Variants in UPF2 observed in about 807,000 individuals in gnomAD.
The protein encoded by UPF2 is UPF2 regulator of nonsense mediated mRNA decay.
A neutral mutation model predicts 141.4 loss-of-function variants in UPF2; 17 were observed. The ratio of observed to expected loss-of-function variants is 0.12; its 90% confidence interval spans 0.08 to 0.18. The LOEUF is 0.18. UPF2 is among the 10% of genes least tolerant of loss of function. The pLI is 1.00. For synonymous variants in UPF2, 540 were observed against 498.0 expected (o/e 1.08, Z -1.12); for missense variants, 1,152 against 1,515.9 (o/e 0.76, Z 3.99).
At chr10:11,997,434 T>G (rs1189982008) in intron 8 of UPF2, among the ~76,000 whole-genome samples, 1 of 152,206 alleles carries the variant, frequency 6.6e-6, no homozygotes, top group African/African-American at 2.4e-5. Flanking sequence ...CTTCTTAAGC[T>G]ACTCTTAAAC....
At position 11,967,341 on chromosome 10, in the gene UPF2, C is replaced by A; in HGVS notation, c.2067G>T (p.Lys689Asn). Residue 689 changes from lysine to asparagine, a missense_variant and splice_region_variant, in exon 10 of 22, where the codon AAG (lysine) becomes AAT (asparagine). Around this residue, in one of 4 missense-constraint regions of UPF2, gnomAD observed 739 missense variants for 1,032.2 expected, o/e 0.72. Coordinates refer to ENST00000357604, the MANE Select transcript of UPF2 (RefSeq NM_015542.4). ...AACAATCAACTAATTCAGCACTAAC[C>A]TTTAAACAATGCAGTGTGTCATTTT... ...FTKNDTLHCL[K>N]MLLSDFSHHH... is the part of the protein sequence containing the mutation. The A allele has an allele frequency of 6.5e-7, 1 of 1,541,354 alleles. No homozygotes were observed. Among genetic ancestry groups the A allele is most frequent in the South Asian group, 1.3e-5 (1 of 79,604 alleles).
Position 11,936,629 on chromosome 10 carries a change from G to A in UPF2, c.3462C>T (p.Pro1154=). The part of the protein sequence containing the change: ...LHLKSQLRKG[P]PLGGGEGEAE... ...CCTCTCCTTCCCCACCTCCCAGTGG[G>A]GGCCCTTTCCTCAGCTGGCTTTTGA... Residue 1154 remains proline, a synonymous_variant, in exon 19 of 22, where the codon CCC becomes CCT. Transcript: ENST00000357604. The surrounding 1 kb of genome is among the most constrained non-coding windows in gnomAD (Gnocchi z 6.6). 1 of 1,613,482 alleles carries A rather than the reference G, an allele frequency of 6.2e-7. No individual in the cohort carries two copies. The highest frequency in any genetic ancestry group is 1.3e-5 in the African/African-American group (1 of 74,994).
At chr10:11,963,984 C>G in intron 11 of UPF2, 25 bp downstream of exon 11, 1 of 1,551,024 alleles carries the variant, frequency 6.4e-7, no homozygotes. Flanking sequence ...ACCTCTAGCT[C>G]TTACCAGCAT....
Position 12,014,035 on chromosome 10 carries a change from G to A in UPF2, c.1295C>T (p.Pro432Leu), listed in dbSNP as rs2131285422. Residue 432 changes from proline (P) to leucine (L), a missense_variant, in exon 4 of 22, where the codon CCA becomes CTA. Transcript: ENST00000357604. This position sits in a 1 kb window ranked among gnomAD's most constrained non-coding sequence, Gnocchi z 5.0. ...ENMPDLPQDK[P>L]TPEEHGPGID... ...AGGATATCTCTTACCTTCTGGTGTT[G>A]GTTTGTCTTGAGGAAGATCTGGCAT... 1 of 1,560,034 alleles carries A rather than the reference G, an allele frequency of 6.4e-7. No individual in the cohort carries two copies. Among genetic ancestry groups the A allele is most frequent in the Non-Finnish European group, 8.7e-7 (1 of 1,151,342 alleles).
rs1386075854 is a variant in UPF2, at chr10:11,999,943, T to C, written c.1721A>G (p.Gln574Arg). 10 of 1,613,854 alleles carry C rather than the reference T, an allele frequency of 6.2e-6. No homozygotes were observed. Among genetic ancestry groups the C allele is most frequent in the African/African-American group, 1.3e-5 (1 of 74,924 alleles). Residue 574 changes from glutamine to arginine, a missense_variant, in exon 7 of 22, where the codon CAG (glutamine) becomes CGG (arginine). Coordinates refer to ENST00000357604, the MANE Select transcript of UPF2 (RefSeq NM_015542.4). ...LKLIVDAFLQ[Q>R]LPNCVNRDLI... Reference sequence around the variant, plus strand: ...ATCTCGGTTGACACAGTTGGGTAACTGCTGTAGGAAAGCATCTACTATGAG... The same window carrying C: ...ATCTCGGTTGACACAGTTGGGTAACCGCTGTAGGAAAGCATCTACTATGAG...
rs1407707422 is a variant in UPF2 at position 11,920,350 on chromosome 10, AAAAAACAAAAC to A, written c.*937_*947del. On this transcript the variant is annotated 3_prime_UTR_variant, in exon 22 of 22. Transcript: ENST00000357604. ...TCTATTTAGTGGGGGAAAACAAAAA[AAAAAACAAAAC>A]AAAAACAAAAGCAAAATAAAAGCTC... 3.9e-5 allele frequency: 6 copies of A among 152,176 alleles called. No homozygotes were observed. Among genetic ancestry groups the A allele is most frequent in the African/African-American group, 1.4e-4 (6 of 41,424 alleles). The allele number at this position is 152,176 out of a possible 1,614,324, so 9.4% of individuals were successfully genotyped here.
At position 11,952,079 on chromosome 10, in the gene UPF2, G is replaced by A. The variant is rs1833081994; in HGVS notation, c.3021C>T (p.Phe1007=). The A allele has an allele frequency of 6.2e-7, 1 of 1,613,480 alleles. No homozygotes were observed. Among genetic ancestry groups the A allele is most frequent in the South Asian group, 1.1e-5 (1 of 90,954 alleles). Residue 1007 remains phenylalanine, a synonymous_variant, in exon 15 of 22, where the codon TTC becomes TTT. Coordinates refer to ENST00000357604, the MANE Select transcript of UPF2 (RefSeq NM_015542.4). The stretch of plus-strand genomic sequence containing the variant: ...TCAATTGCTTACCTAGTTTTATTAA[G>A]AATTCTCGTTCCAAGTCTTGTACCT... ...IRQVQDLERE[F]LIKLGLVNDK... is the part of the protein sequence containing the mutation.
At chr10:11,933,048 GA>G (rs1215298839) in intron 19 of UPF2, among the ~76,000 whole-genome samples, 1 of 151,826 alleles carries the variant, frequency 6.6e-6, no homozygotes, top group Non-Finnish European at 1.5e-5. Flanking sequence ...TTTAAATCTA[GA>G]AAAAAATAAA....
At chr10:11,972,081 A>AAC (rs1554778301) in intron 9 of UPF2, among the ~76,000 whole-genome samples, 10 of 146,416 alleles carry the variant, frequency 6.8e-5, no homozygotes, top group African/African-American at 1.0e-4. Flanking sequence ...AAAAAAAAAA[A>AAC]ACACACAAAA....
chr10:11,970,552 T>C (rs1833399370), intron 9 of UPF2, among the ~76,000 whole-genome samples: 1 of 152,092 alleles, frequency 6.6e-6, no homozygotes, highest in Admixed American at 6.6e-5. Flanking sequence ...TGGCTCACAC[T>C]TGTGATCACA....
At chr10:12,040,276 G>A (rs1449188421) in intron 1 of UPF2, among the ~76,000 whole-genome samples, 1 of 152,014 alleles carries the variant, frequency 6.6e-6, no homozygotes, top group East Asian at 1.9e-4. Flanking sequence ...ACCAAAATTA[G>A]CTGGGCGTGG....
chr10:12,028,983 T>G lies in UPF2; in HGVS notation c.907A>C (p.Thr303Pro). 2 of 1,614,152 alleles carry G rather than the reference T, an allele frequency of 1.2e-6. No individual in the cohort carries two copies. Among genetic ancestry groups the G allele is most frequent in the Admixed American group, 1.7e-5 (1 of 60,006 alleles). Residue 303 changes from threonine to proline, a missense_variant, in exon 3 of 22, where the codon ACT becomes CCT. By Grantham distance (38) the Thr-to-Pro change is conservative. Transcript: ENST00000357604. Reference sequence around the variant, plus strand: ...AAACTAATCACTACAGAGACATGAGTGTGGGACTCCCGATCAGCATTAATA... The same window carrying G: ...AAACTAATCACTACAGAGACATGAGGGTGGGACTCCCGATCAGCATTAATA... ...NIINADRESHTHVSVVISFCR... is the reference protein window; with the variant it reads ...NIINADRESHPHVSVVISFCR...
At chr10:12,013,019 G>A (rs563179837) in intron 4 of UPF2, among the ~76,000 whole-genome samples, 1 of 150,938 alleles carries the variant, frequency 6.6e-6, no homozygotes, top group Non-Finnish European at 1.5e-5. Flanking sequence ...CAGCTACTTG[G>A]GAGACTGACG....
At chr10:12,015,184 T>C (rs1834196040) in intron 3 of UPF2, among the ~76,000 whole-genome samples, 1 of 152,250 alleles carries the variant, frequency 6.6e-6, no homozygotes, top group Admixed American at 6.5e-5. Context: ...AAAAGTTATT[T>C]TTACAAGTAA....
chr10:12,029,344 T>C lies in UPF2; in HGVS notation c.546A>G (p.Thr182=). The part of the protein sequence containing the change: ...TAFVKKLKTI[T]EQQRDSLSHD... ...GGGACAAGGAGTCTCTCTGTTGTTCTGTAATAGTTTTTAGTTTCTTGACAA... is the reference window on the plus strand; with the variant it reads ...GGGACAAGGAGTCTCTCTGTTGTTCCGTAATAGTTTTTAGTTTCTTGACAA... The change falls in exon 3 of 22, where the codon ACA becomes ACG. Residue 182 remains threonine, a synonymous_variant. Coordinates refer to ENST00000357604, the MANE Select transcript of UPF2 (RefSeq NM_015542.4). The C allele has an allele frequency of 6.2e-7, 1 of 1,614,196 alleles. No homozygotes were observed. Among genetic ancestry groups the C allele is most frequent in the Non-Finnish European group, 8.5e-7 (1 of 1,180,028 alleles).
intron 9 of UPF2, among the ~76,000 whole-genome samples, chr10:11,973,854 T>C (rs1024665694): frequency 6.6e-6 from 1 of 152,288 alleles, no homozygotes; most frequent in South Asian, 2.1e-4. Context: ...CTTAGGATTG[T>C]CTTGGCAATG....
chr10:12,020,561 C>T (rs925131494), intron 3 of UPF2, among the ~76,000 whole-genome samples: 1 of 152,158 alleles, frequency 6.6e-6, no homozygotes, highest in African/African-American at 2.4e-5. Context: ...CATAAAAAGA[C>T]AGAAAGAGAA....
At chr10:11,942,444 A>C (rs1035639902) in intron 18 of UPF2, among the ~76,000 whole-genome samples, 1 of 152,196 alleles carries the variant, frequency 6.6e-6, no homozygotes. Context: ...TTCTGTTCCA[A>C]ATCTTGTGTG....
At chr10:11,932,611 A>AT (rs1314051907) in intron 19 of UPF2, among the ~76,000 whole-genome samples, 2 of 152,190 alleles carry the variant, frequency 1.3e-5, no homozygotes, top group Non-Finnish European at 2.9e-5. Context: ...GAAGAGACAA[A>AT]TTTACTGATG....
Sources: gnomAD v4.1 joint callset for allele counts (sites outside exome capture counted in the v4.1 genomes callset) on GRCh38, gnomAD v4.1.1 for gene constraint, gnomAD v4.1.1 regional missense constraint, Gnocchi (gnomAD v3.1) non-coding constraint, MANE v1.5 for transcripts, NCBI Gene and HGNC (gene_info 2026-07-23, HGNC 2026-07-21) for gene names.